Variants in RAB40C observed in about 807,000 individuals in gnomAD.
RAB40C encodes the protein ras-related protein Rab-40C.
Under a neutral mutation model 28.1 loss-of-function variants are expected in RAB40C, and 8 were observed. The ratio of observed to expected loss-of-function variants is 0.28; its 90% confidence interval spans 0.17 to 0.51. The LOEUF is 0.51. Among genes scored for constraint, RAB40C ranks in the 20% least tolerant of loss-of-function variants. The probability of loss-of-function intolerance (pLI) is 0.97; values close to 1 mark genes in which losing one functional copy is unlikely to be tolerated. For synonymous variants in RAB40C, 201 were observed against 171.7 expected, an observed-to-expected ratio of 1.17 and a Z score of -1.34; for missense variants, 288 against 405.9, an observed-to-expected ratio of 0.71 and a Z score of 2.50.
At position 625,948 on chromosome 16, in the gene RAB40C, C is replaced by T; in HGVS notation, c.392C>T (p.Ala131Val). Residue 131 changes from alanine (A) to valine (V), a missense_variant, in exon 5 of 6, where the codon GCC (alanine) becomes GTC (valine). Physicochemically the swap from Ala to Val is moderately conservative, Grantham distance 64. Transcript: ENST00000248139. ...RILVGNRLHL[A>V]FKRQVPTEQA... ...TTGGTTGGAAACCGGCTGCACCTGG[C>T]CTTCAAGCGGCAGGTCCCGACGGAG... The T allele has an allele frequency of 1.9e-6, 3 of 1,613,280 alleles. No individual in the cohort carries two copies. Among genetic ancestry groups the T allele is most frequent in the Non-Finnish European group, 2.5e-6 (3 of 1,179,974 alleles).
chr16:624,818 G>C, intron 3 of RAB40C: 1 of 985,474 alleles, frequency 1.0e-6, no homozygotes, highest in Non-Finnish European at 1.2e-6. Context: ...CCCCTGTGCT[G>C]CTGGAGAGCC....
Position 629,204 on chromosome 16 carries a change from C to G in RAB40C, c.*1582C>G, listed in dbSNP as rs1343347067. 4.0e-6 allele frequency: 1 copy of G among 251,746 alleles called. No homozygotes were observed. The allele number at this position is 251,746 out of a possible 1,614,324, so 15.6% of individuals were successfully genotyped here. On this transcript the variant is annotated 3_prime_UTR_variant, in exon 6 of 6. Coordinates refer to ENST00000248139, the MANE Select transcript of RAB40C (RefSeq NM_021168.5). ...CAACACTACCCGCGCTGCTGTTAGACACTCCGCCATTCCTGGTTCTCTCCG... is the reference window on the plus strand; with the variant it reads ...CAACACTACCCGCGCTGCTGTTAGAGACTCCGCCATTCCTGGTTCTCTCCG...
chr16:625,323 G>T, intron 3 of RAB40C, 109 bp from the exon 4 acceptor site: 1 of 1,506,326 alleles, frequency 6.6e-7, no homozygotes, highest in South Asian at 1.2e-5. Context: ...CAAGTAATAA[G>T]CATCCTTGGC....
At chr16:615,213 C>T (rs1364689805) in intron 1 of RAB40C, among the ~76,000 whole-genome samples, 1 of 152,168 alleles carries the variant, frequency 6.6e-6, no homozygotes, top group African/African-American at 2.4e-5. Context: ...TGGTGTCCTT[C>T]GATGCATGAG....
In RAB40C at chr16:627,711, G is replaced by A. The variant is rs1045987074; in HGVS notation, c.*89G>A. The A allele has an allele frequency of 8.4e-6, 12 of 1,420,942 alleles. No individual in the cohort carries two copies. The highest frequency in any genetic ancestry group is 2.8e-6 in the Non-Finnish European group (3 of 1,067,640). 88.0% of individuals were successfully genotyped at this position (1,420,942 alleles called of 1,614,324 possible). On this transcript the variant is annotated 3_prime_UTR_variant, in exon 6 of 6. Transcript: ENST00000248139. ...ACGCCAGGCCAGTGCCGCCTACGTG[G>A]AGACTGTCCACACAGCTGCCTCAGA...
intron 1 of RAB40C, among the ~76,000 whole-genome samples, chr16:596,943 A>G (rs187267612): frequency 1.3e-5 from 2 of 152,346 alleles, no homozygotes; most frequent in Admixed American, 1.3e-4. Flanking sequence ...TGCTGAGATC[A>G]GGATTTTGAG....
chr16:624,454 T>C (rs2151081043), intron 3 of RAB40C: 1 of 985,506 alleles, frequency 1.0e-6, no homozygotes, highest in East Asian at 1.1e-4. Context: ...TGTCGCTCCA[T>C]CCTGAGCAAG....
At chr16:601,903 G>A (rs1311668949) in intron 1 of RAB40C, among the ~76,000 whole-genome samples, 2 of 151,538 alleles carry the variant, frequency 1.3e-5, no homozygotes, top group African/African-American at 4.8e-5. Context: ...CGAGGTGGGT[G>A]GATCACGAGG....
At chr16:608,521 A>G (rs1360034440) in intron 1 of RAB40C, among the ~76,000 whole-genome samples, 1 of 152,234 alleles carries the variant, frequency 6.6e-6, no homozygotes, top group South Asian at 2.1e-4. Context: ...CAGCGCCATC[A>G]GACCCAGGCC....
rs765148251 is a variant in RAB40C, at chr16:617,257, G to T, written c.192G>T (p.Lys64Asn). The change falls in exon 2 of 6, where the codon AAG becomes AAT. Residue 64 changes from lysine to asparagine, a missense_variant. Around this residue, in one of 3 missense-constraint regions of RAB40C, gnomAD observed 78 missense variants for 88.2 expected, o/e 0.88. Coordinates refer to ENST00000248139, the MANE Select transcript of RAB40C (RefSeq NM_021168.5). ...TCCTGCTGGACGGCCGGCGCGTGAA[G>T]CTGGAGCTCTGGTGAGTTGGGGCTG... is the stretch of plus-strand genomic sequence containing the variant. ...TTILLDGRRVKLELWDTSGQG... is the reference protein window; with the variant it reads ...TTILLDGRRVNLELWDTSGQG... 2.5e-6 allele frequency: 4 copies of T among 1,614,070 alleles called. No homozygotes were observed. Among genetic ancestry groups the T allele is most frequent in the Non-Finnish European group, 3.4e-6 (4 of 1,180,030 alleles).
At chr16:609,036 G>A (rs1392758236) in intron 1 of RAB40C, among the ~76,000 whole-genome samples, 2 of 152,192 alleles carry the variant, frequency 1.3e-5, no homozygotes, top group African/African-American at 4.8e-5. Flanking sequence ...GAGCACGTGA[G>A]CCTAGGAGTT....
Position 590,245 on chromosome 16 carries a change from G to A in RAB40C, c.-47G>A, listed in dbSNP as rs562914613. ...GCTCTCTCACGCCGCGGCCTCACCC[G>A]GCGGTGCTTCGGCAGGCGGCCGGCG... On this transcript the variant is annotated 5_prime_UTR_variant, in exon 1 of 6. Coordinates refer to ENST00000248139, the MANE Select transcript of RAB40C (RefSeq NM_021168.5). The A allele has an allele frequency of 1.8e-4, 239 of 1,360,302 alleles. No homozygotes were observed. In the African/African-American group the frequency reaches 3.3e-3, roughly 19 times the overall value. The allele number at this position is 1,360,302 out of a possible 1,614,324, so 84.3% of individuals were successfully genotyped here.
rs762331134 is a variant in RAB40C at position 617,236 on chromosome 16, G to T, written c.171G>T (p.Leu57=). The change falls in exon 2 of 6, where the codon CTG becomes CTT. Residue 57 remains leucine, a synonymous_variant. Transcript: ENST00000248139. ...TCGACTACAAGACCACCACCATCCT[G>T]CTGGACGGCCGGCGCGTGAAGCTGG... is the stretch of plus-strand genomic sequence containing the variant. ...NGIDYKTTTI[L]LDGRRVKLEL... 1 of 1,614,104 alleles carries T rather than the reference G, an allele frequency of 6.2e-7. No homozygotes were observed. The highest frequency in any genetic ancestry group is 8.5e-7 in the Non-Finnish European group (1 of 1,180,022).
chr16:625,006 G>A (rs528911304), intron 3 of RAB40C: 1 of 1,290,222 alleles, frequency 7.8e-7, no homozygotes, highest in Non-Finnish European at 1.0e-6. Context: ...GCAAGTTTTA[G>A]GTTGGAAAAC....
chr16:590,439 G>A lies in RAB40C; in HGVS notation c.142+6G>A. On this transcript the variant is annotated splice_donor_region_variant and intron_variant, in intron 1 of 5. Transcript: ENST00000248139. ...CCCGTACGCCTACAGTAACGGTAAG[G>A]CCCGGCCCGCGGCGCGCGCTGCTAC... is the stretch of plus-strand genomic sequence containing the variant. The A allele has an allele frequency of 4.4e-6, 7 of 1,575,930 alleles. No homozygotes were observed. The highest frequency in any genetic ancestry group is 6.0e-6 in the Non-Finnish European group (7 of 1,164,024).
At chr16:614,091 AC>A (rs1156303087) in intron 1 of RAB40C, among the ~76,000 whole-genome samples, 4 of 150,232 alleles carry the variant, frequency 2.7e-5, no homozygotes, top group Non-Finnish European at 4.4e-5. Flanking sequence ...GAACTGCCGA[AC>A]TCTACCGCAT....
chr16:602,685 G>A (rs943948779), intron 1 of RAB40C, among the ~76,000 whole-genome samples: 12 of 151,980 alleles, frequency 7.9e-5, no homozygotes, highest in Non-Finnish European at 2.9e-5. Flanking sequence ...CACCCACCTC[G>A]GCCTCCCAAA....
At chr16:598,585 AAAG>A (rs945524018) in intron 1 of RAB40C, among the ~76,000 whole-genome samples, 1 of 150,986 alleles carries the variant, frequency 6.6e-6, no homozygotes, top group African/African-American at 2.4e-5. Context: ...AAAAAAGAAA[AAAG>A]AAAATTAGCT....
chr16:626,355 C>T (rs576442559), intron 5 of RAB40C, among the ~76,000 whole-genome samples: 5 of 151,906 alleles, frequency 3.3e-5, no homozygotes, highest in South Asian at 2.1e-4. Context: ...AGGGTGCCGC[C>T]GTGGCCGCTG....
Sources: allele counts gnomAD v4.1 joint callset (sites outside exome capture counted in the v4.1 genomes callset), GRCh38; gene constraint gnomAD v4.1.1; regional missense constraint gnomAD v4.1.1; transcripts MANE v1.5; gene names NCBI Gene and HGNC (gene_info 2026-07-23, HGNC 2026-07-21).